The following ITPR1 variants were observed in gnomAD, a reference collection of about 807,000 sequenced individuals.
ITPR1 encodes inositol 1,4,5-trisphosphate receptor type 1, also known as inositol 1,4,5-trisphosphate-gated calcium channel ITPR1.
ITPR1 carries 96 observed loss-of-function variants against 318.4 expected under a neutral mutation model. That is an observed-to-expected ratio of 0.30 (90% CI 0.26 to 0.36). ITPR1 has a LOEUF of 0.36. Ranked by LOEUF, ITPR1 falls within the 10% of genes least tolerant of loss-of-function variation. The probability of loss-of-function intolerance (pLI) is 1.00; values close to 1 mark genes in which losing one functional copy is unlikely to be tolerated. For synonymous variants in ITPR1, 1,312 were observed against 1,289.9 expected (o/e 1.02, Z -0.37); for missense variants, 2,440 against 3,460.2 (o/e 0.71, Z 7.40).
At chr3:4,674,521 A>T (rs549418897) in intron 22 of ITPR1, among the ~76,000 whole-genome samples, 178 bp downstream of exon 22, 2 of 152,354 alleles carry the variant, frequency 1.3e-5, no homozygotes, top group Non-Finnish European at 2.9e-5. Context: ...TACCAGTCAC[A>T]TGGCTTAATA....
intron 44 of ITPR1, among the ~76,000 whole-genome samples, chr3:4,737,133 T>C (rs1346501551): frequency 6.6e-6 from 1 of 152,142 alleles, no homozygotes; most frequent in Admixed American, 6.5e-5. Context: ...AAATTAGAAG[T>C]TGGAAACCCT....
chr3:4,763,330 G>A (rs571344316), intron 44 of ITPR1, among the ~76,000 whole-genome samples: 27 of 152,244 alleles, frequency 1.8e-4, no homozygotes, highest in African/African-American at 6.0e-4. Flanking sequence ...AAACCTGCAC[G>A]TCCTGCATAG....
At chr3:4,652,321 C>T (rs2093615112) in intron 11 of ITPR1, 103 bp downstream of exon 11, 2 of 769,574 alleles carry the variant, frequency 2.6e-6, no homozygotes, top group South Asian at 1.7e-5. Context: ...TAGGGAAATA[C>T]ACTCAGTCAC....
chr3:4,612,500 G>GT (rs1422990168), intron 4 of ITPR1, among the ~76,000 whole-genome samples: 1 of 152,022 alleles, frequency 6.6e-6, no homozygotes, highest in East Asian at 1.9e-4. Flanking sequence ...GGCTAATCTT[G>GT]TTTTTTTCTA....
In ITPR1 at chr3:4,800,474, C is replaced by G; in HGVS notation, c.6981C>G (p.Ile2327Met). Residue 2327 changes from isoleucine to methionine, a missense_variant, in exon 54 of 62, where the codon ATC (isoleucine) becomes ATG (methionine). Physicochemically the swap from Ile to Met is conservative, Grantham distance 10. This residue lies in a region of ITPR1 where 126 missense variants were observed against 150.8 expected (regional missense o/e 0.84). Coordinates refer to ENST00000649015, the MANE Select transcript of ITPR1 (RefSeq NM_001378452.1). ...WSGLLWTAML[I>M]SLAIVIALPK... ...GACTCCTGTGGACAGCCATGCTCAT[C>G]TCTCTGGCCATCGTCATTGCCCTCC... 1 of 1,614,074 alleles carries G rather than the reference C, an allele frequency of 6.2e-7. No individual in the cohort carries two copies. Among genetic ancestry groups the G allele is most frequent in the Non-Finnish European group, 8.5e-7 (1 of 1,179,886 alleles).
At chr3:4,567,998 GATT>G (rs36088574) in intron 4 of ITPR1, among the ~76,000 whole-genome samples, 129,894 of 151,864 alleles carry the variant, frequency 0.86, 55,707 homozygotes, top group Admixed American at 0.9. Context: ...CTGCTCAGTA[GATT>G]ATTTATCAGG....
chr3:4,558,128 G>A (rs2086315927), intron 4 of ITPR1, among the ~76,000 whole-genome samples: 2 of 152,170 alleles, frequency 1.3e-5, no homozygotes, highest in Admixed American at 1.3e-4. Context: ...TTCTGAGTTA[G>A]AATTTCTTCC....
intron 42 of ITPR1, among the ~76,000 whole-genome samples, chr3:4,728,958 T>C (rs1311886905): frequency 6.6e-6 from 1 of 152,234 alleles, no homozygotes; most frequent in African/African-American, 2.4e-5. Flanking sequence ...CTATAGCCCT[T>C]CTTCTCCAGC....
intron 14 of ITPR1, 126 bp downstream of exon 14, chr3:4,661,213 C>G: frequency 9.2e-6 from 5 of 544,082 alleles, no homozygotes; most frequent in Non-Finnish European, 1.0e-5. Context: ...TGGTCATGGC[C>G]GAACTTGAAT....
chr3:4,712,316 G>A (rs998276994), intron 39 of ITPR1, among the ~76,000 whole-genome samples: 1 of 152,168 alleles, frequency 6.6e-6, no homozygotes, highest in African/African-American at 2.4e-5. Context: ...TGCAATTAAG[G>A]CAGGCATACA....
At position 4,846,862 on chromosome 3, in the gene ITPR1, A is replaced by C. The variant is rs527723116; in HGVS notation, c.*637A>C. 6.5e-6 allele frequency: 1 copy of C among 152,766 alleles called. No homozygotes were observed. Among genetic ancestry groups the C allele is most frequent in the African/African-American group, 2.4e-5 (1 of 41,572 alleles). The allele number at this position is 152,766 out of a possible 1,614,324, so 9.5% of individuals were successfully genotyped here. On this transcript the variant is annotated 3_prime_UTR_variant, in exon 62 of 62. Coordinates refer to ENST00000649015, the MANE Select transcript of ITPR1 (RefSeq NM_001378452.1). ...GAACTGTTAAATCAGCATTCATTTT[A>C]AGAAAAGCAACTTTAGTTTCAAAGA...
intron 44 of ITPR1, among the ~76,000 whole-genome samples, chr3:4,756,844 T>C (rs1284802468): frequency 6.6e-6 from 1 of 152,262 alleles, no homozygotes; most frequent in Non-Finnish European, 1.5e-5. Context: ...AACACCCAGC[T>C]CTTTTCTGGA....
Position 4,795,194 on chromosome 3 carries a change from A to C in ITPR1, c.6931+7A>C, listed in dbSNP as rs1484415439. The C allele has an allele frequency of 1.2e-6, 2 of 1,611,310 alleles. No individual in the cohort carries two copies. The highest frequency in any genetic ancestry group is 1.7e-6 in the Non-Finnish European group (2 of 1,178,800). ...TTTAAGGGAGTCCGAGGAGGTACCCATATCTTTAACTTCAAAAATCCTATT... is the reference window on the plus strand; with the variant it reads ...TTTAAGGGAGTCCGAGGAGGTACCCCTATCTTTAACTTCAAAAATCCTATT... On this transcript the variant is annotated splice_region_variant and intron_variant, in intron 53 of 61. Transcript: ENST00000649015.
chr3:4,768,654 A>C lies in ITPR1; in HGVS notation c.5869A>C (p.Thr1957Pro). 2 of 1,613,988 alleles carry C rather than the reference A, an allele frequency of 1.2e-6. No individual in the cohort carries two copies. Among genetic ancestry groups the C allele is most frequent in the Non-Finnish European group, 8.5e-7 (1 of 1,179,888 alleles). ...HYQPGEGTQA[T>P]ADKAKDDLEM... ...CCAGCCTGGAGAGGGCACCCAGGCC[A>C]CTGCCGACAAGGCCAAGGACGACCT... Residue 1957 changes from threonine (T) to proline (P), a missense_variant, in exon 46 of 62, where the codon ACT becomes CCT. Transcript: ENST00000649015.
In ITPR1 at chr3:4,666,959, G is replaced by A. The variant is rs144127623; in HGVS notation, c.1714-418G>A. 3.2e-3 allele frequency among the ~76,000 whole-genome samples: 482 copies of A among 152,276 alleles called. 3 individuals are homozygous for A. The highest frequency in any genetic ancestry group is 0.011 in the African/African-American group (439 of 41,546). Reference sequence around the variant, plus strand: ...AAAGGAAATGAAACAGGGTAACATTGTTCCAGATCTCCAGGTAGGCTTTAT... The same window carrying A: ...AAAGGAAATGAAACAGGGTAACATTATTCCAGATCTCCAGGTAGGCTTTAT... On this transcript the variant is annotated intron_variant, in intron 17 of 61. Transcript: ENST00000649015.
chr3:4,773,816 G>A (rs1296033959), intron 46 of ITPR1, among the ~76,000 whole-genome samples: 2 of 152,182 alleles, frequency 1.3e-5, no homozygotes, highest in African/African-American at 2.4e-5. Flanking sequence ...CAAATCATCT[G>A]TTCTCCCTCC....
intron 52 of ITPR1, among the ~76,000 whole-genome samples, chr3:4,790,889 C>G (rs1226277842): frequency 6.6e-6 from 1 of 152,364 alleles, no homozygotes; most frequent in South Asian, 2.1e-4. Flanking sequence ...CTCACATCCT[C>G]TCTCTCACCA....
intron 47 of ITPR1, 91 bp from the exon 48 acceptor site, chr3:4,777,173 A>G (rs1253112799): frequency 5.5e-6 from 4 of 722,746 alleles, no homozygotes; most frequent in Non-Finnish European, 9.6e-6. Context: ...AGTGGTAAGC[A>G]TTGTGTTGAA....
At chr3:4,807,245 G>A (rs114704329) in intron 55 of ITPR1, among the ~76,000 whole-genome samples, 6,940 of 152,054 alleles carry the variant, frequency 0.046, 224 homozygotes, top group Middle Eastern at 0.068. Context: ...CCCCCGAAGC[G>A]CGTATGAGAG....
Sources: gnomAD v4.1 joint callset for allele counts (sites outside exome capture counted in the v4.1 genomes callset) on GRCh38, gnomAD v4.1.1 for gene constraint, gnomAD v4.1.1 regional missense constraint, MANE v1.5 for transcripts, NCBI Gene and HGNC (gene_info 2026-07-23, HGNC 2026-07-21) for gene names.